Variants in PDE1C observed in about 807,000 individuals in gnomAD.
PDE1C encodes the protein phosphodiesterase 1C.
In PDE1C, 62 loss-of-function variants were observed where a neutral mutation model predicts 93.1. The ratio of observed to expected loss-of-function variants is 0.67; its 90% CI spans 0.54 to 0.82. PDE1C has a LOEUF of 0.82. PDE1C is among the 40% of genes least tolerant of loss of function. PDE1C has a pLI of 0.00. For missense variants in PDE1C, 742 were observed against 884.6 expected, an observed-to-expected ratio of 0.84 and a Z score of 2.04; for synonymous variants, 325 against 310.1, an observed-to-expected ratio of 1.05 and a Z score of -0.50.
chr7:32,299,330 G>C (rs893604246), upstream of PDE1C: 13 of 985,564 alleles, frequency 1.3e-5, no homozygotes, highest in African/African-American at 7.0e-5. Flanking sequence ...CAAGGAAGTC[G>C]GGAAAATCGC....
At chr7:31,927,348 TA>T (rs1452022758) in intron 2 of PDE1C, among the ~76,000 whole-genome samples, 1 of 152,048 alleles carries the variant, frequency 6.6e-6, no homozygotes, top group South Asian at 2.1e-4. Flanking sequence ...CACTTGGGGG[TA>T]GGGGCAGTTG....
chr7:31,886,668 G>A (rs966052152), intron 2 of PDE1C, among the ~76,000 whole-genome samples: 1 of 148,048 alleles, frequency 6.8e-6, no homozygotes, highest in Non-Finnish European at 1.5e-5. Context: ...GTTGACCAGA[G>A]CCATTTTGAA....
intron 1 of PDE1C, among the ~76,000 whole-genome samples, chr7:32,380,741 A>G (rs1784518549): frequency 6.6e-6 from 1 of 151,944 alleles, no homozygotes; most frequent in African/African-American, 2.4e-5. Flanking sequence ...TCTGGACTCG[A>G]TGTTCCTGGT....
At chr7:31,820,528 T>A (rs1170001769) in intron 14 of PDE1C, 1 of 152,094 alleles carries the variant, frequency 6.6e-6, no homozygotes, top group East Asian at 1.9e-4. Flanking sequence ...AGTTCTTGCC[T>A]ACCTAGTTTT....
At chr7:31,960,666 T>C (rs887508200) in intron 2 of PDE1C, among the ~76,000 whole-genome samples, 1 of 152,192 alleles carries the variant, frequency 6.6e-6, no homozygotes, top group Admixed American at 6.5e-5. Flanking sequence ...TGGTAAAATA[T>C]GAACGATTAA....
intron 1 of PDE1C, among the ~76,000 whole-genome samples, chr7:32,219,054 T>C (rs1278229738): frequency 6.6e-6 from 1 of 152,234 alleles, no homozygotes; most frequent in Non-Finnish European, 1.5e-5. Context: ...TCAAGGTGTT[T>C]GGTGTTTCTG....
In PDE1C at chr7:32,050,812, A is replaced by G. The variant is rs1196394032; in HGVS notation, c.128+742T>C. On this transcript the variant is annotated intron_variant, in intron 2 of 17. Transcript: ENST00000396191. The stretch of plus-strand genomic sequence containing the variant: ...AACTACATCTGTCAACGGGTCCTGT[A>G]ATGGGGAATGAAAATCGCATATGCA... 2.6e-5 allele frequency among the ~76,000 whole-genome samples: 4 copies of G among 152,214 alleles called. No individual in the cohort carries two copies. The South Asian group carries it at 8.3e-4, about 32-fold the overall frequency.
intron 1 of PDE1C, among the ~76,000 whole-genome samples, chr7:32,307,574 A>C (rs1447528508): frequency 1.3e-5 from 2 of 151,556 alleles, no homozygotes; most frequent in African/African-American, 2.4e-5. Context: ...ACTCAATCTG[A>C]CCACCAACTT....
At chr7:32,342,788 T>C (rs921973472) in intron 1 of PDE1C, among the ~76,000 whole-genome samples, 19 of 152,214 alleles carry the variant, frequency 1.2e-4, no homozygotes, top group African/African-American at 4.6e-4. Flanking sequence ...TTATGAGGCT[T>C]AAATAAGTTA....
intron 3 of PDE1C, among the ~76,000 whole-genome samples, chr7:32,122,993 A>G (rs1799381528): frequency 6.6e-6 from 1 of 152,216 alleles, no homozygotes; most frequent in African/African-American, 2.4e-5. Flanking sequence ...AAAAGAGACA[A>G]GAATAAAATA....
chr7:31,814,183 G>A (rs1330743254), intron 15 of PDE1C, among the ~76,000 whole-genome samples: 1 of 152,030 alleles, frequency 6.6e-6, no homozygotes. Flanking sequence ...GAATTGTGCT[G>A]CTATAAACAT....
chr7:31,939,607 T>C (rs1030236053), intron 2 of PDE1C, among the ~76,000 whole-genome samples: 2 of 152,142 alleles, frequency 1.3e-5, no homozygotes, highest in African/African-American at 4.8e-5. Context: ...AGATGAGGAA[T>C]ATAAATAAAT....
At chr7:31,665,034 C>G in the PDE1C span, among the ~76,000 whole-genome samples, 1 of 152,178 alleles carries the variant, frequency 6.6e-6, no homozygotes, top group Non-Finnish European at 1.5e-5. Flanking sequence ...CATGACCTGA[C>G]CTTGCATAGC....
At position 32,118,732 on chromosome 7, in the gene PDE1C, T is replaced by C. The variant is rs966505820; in HGVS notation, c.308+51053A>G. 2.6e-5 allele frequency among the ~76,000 whole-genome samples: 4 copies of C among 152,296 alleles called. No individual in the cohort carries two copies. In the East Asian group the frequency reaches 7.7e-4, roughly 29 times the overall value. ...CAGCCTACTCCCAAGAGAACATTAA[T>C]CCATTCATGAGGGCAGAGTCTTCAT... On this transcript the variant is annotated intron_variant, in intron 3 of 18. Transcript: ENST00000396193.
chr7:32,256,081 G>T (rs1337051226), intron 1 of PDE1C, among the ~76,000 whole-genome samples: 1 of 152,202 alleles, frequency 6.6e-6, no homozygotes, highest in Non-Finnish European at 1.5e-5. Flanking sequence ...AGGGCAAGGA[G>T]ATCAGGGAAG....
At chr7:32,007,111 C>T (rs1223469369) in intron 2 of PDE1C, among the ~76,000 whole-genome samples, 1 of 152,160 alleles carries the variant, frequency 6.6e-6, no homozygotes. Flanking sequence ...ATTTGGAATT[C>T]CATCAGCAAC....
chr7:31,898,081 G>A (rs1799536675), intron 2 of PDE1C, among the ~76,000 whole-genome samples: 1 of 151,528 alleles, frequency 6.6e-6, no homozygotes, highest in Admixed American at 6.6e-5. Flanking sequence ...TGAAAAATGT[G>A]AGATACAAAT....
Position 32,204,397 on chromosome 7 carries a change from A to T in PDE1C, c.136+5092T>A, listed in dbSNP as rs1221420860. 5.3e-5 allele frequency among the ~76,000 whole-genome samples: 8 copies of T among 152,222 alleles called. No individual in the cohort carries two copies. The East Asian group carries it at 1.5e-3, about 29-fold the overall frequency. On this transcript the variant is annotated intron_variant, in intron 2 of 18. Transcript: ENST00000396193. ...GATTGCTCATCTTGGGGGAGAAATT[A>T]GTCCTCCCTCAGGAAAGCAACCAGA...
intron 1 of PDE1C, among the ~76,000 whole-genome samples, chr7:32,237,308 C>T (rs1266436604): frequency 3.4e-5 from 5 of 145,324 alleles, no homozygotes; most frequent in African/African-American, 1.0e-4. Flanking sequence ...AGGATGGTCT[C>T]GATCTCCTGA....
Sources: gnomAD v4.1 joint callset for allele counts (sites outside exome capture counted in the v4.1 genomes callset) on GRCh38, gnomAD v4.1.1 for gene constraint, MANE v1.5 for transcripts, NCBI Gene and HGNC (gene_info 2026-07-23, HGNC 2026-07-21) for gene names.